Variants in LOXHD1 observed in about 807,000 individuals in gnomAD.
The protein encoded by LOXHD1 is lipoxygenase homology domain-containing protein 1.
In LOXHD1, 205 loss-of-function variants were observed where a neutral mutation model predicts 248.2. The observed-to-expected ratio is 0.83, with a 90% CI of 0.74 to 0.93. The LOEUF (loss-of-function observed/expected upper bound fraction) is 0.93. LOXHD1 is among the 40% of genes least tolerant of loss of function. The pLI is 0.00. For missense variants in LOXHD1, 2,930 were observed against 2,971.6 expected (o/e 0.99, Z 0.33); for synonymous variants, 1,113 against 1,162.8 (o/e 0.96, Z 0.87).
Position 46,488,972 on chromosome 18 carries a change from T to A in LOXHD1, c.6049A>T (p.Thr2017Ser). ...NKICDELEET[T>S]YEIVIETGNG... ...TGAGCCAATGATCTCCCCCACATACTGGTCTCTTCCAGCTCATCACAGATC... is the reference window on the plus strand; with the variant it reads ...TGAGCCAATGATCTCCCCCACATACAGGTCTCTTCCAGCTCATCACAGATC... The change falls in exon 38 of 41, where the codon ACC becomes TCC. Residue 2017 changes from threonine (T) to serine (S), a missense_variant and splice_region_variant. Transcript: ENST00000642948. 1.3e-6 allele frequency: 2 copies of A among 1,550,726 alleles called. No homozygotes were observed. The highest frequency in any genetic ancestry group is 1.7e-6 in the Non-Finnish European group (2 of 1,146,160).
At chr18:46,539,577 T>C (rs755598546) in intron 25 of LOXHD1, among the ~76,000 whole-genome samples, 3 of 152,208 alleles carry the variant, frequency 2.0e-5, no homozygotes, top group Non-Finnish European at 2.9e-5. Flanking sequence ...AAACAATGTA[T>C]TGCTATAGTA....
At chr18:46,495,156 G>T (rs1038787397) in intron 37 of LOXHD1, among the ~76,000 whole-genome samples, 21 of 152,090 alleles carry the variant, frequency 1.4e-4, no homozygotes, top group African/African-American at 4.1e-4. Context: ...GCCCAGCCAT[G>T]AATTTATATT....
intron 5 of LOXHD1, among the ~76,000 whole-genome samples, chr18:46,615,555 C>A (rs563133263): frequency 1.3e-5 from 2 of 151,992 alleles, no homozygotes; most frequent in African/African-American, 2.4e-5. Flanking sequence ...AATTTTATTG[C>A]CTTATGATCA....
At chr18:46,629,334 G>T (rs1315907688) in intron 4 of LOXHD1, among the ~76,000 whole-genome samples, 1 of 152,194 alleles carries the variant, frequency 6.6e-6, no homozygotes, top group Non-Finnish European at 1.5e-5. Context: ...ATTACTCTAC[G>T]ATAATATCCT....
intron 2 of LOXHD1, among the ~76,000 whole-genome samples, chr18:46,646,733 C>T (rs1452403196): frequency 6.6e-6 from 1 of 152,176 alleles, no homozygotes; most frequent in Admixed American, 6.5e-5. Context: ...TCTAAAGGAC[C>T]CTCTTTCTTC....
chr18:46,547,986 T>C lies in LOXHD1; in HGVS notation c.3351-928A>G, dbSNP rs180837237. ...AATAAGCATAATATTGCCTATTTCA[T>C]AGGGTGTTGTGAGGATTACATGTGT... On this transcript the variant is annotated intron_variant, in intron 21 of 40. Coordinates refer to ENST00000642948, the MANE Select transcript of LOXHD1 (RefSeq NM_001384474.1). 2.4e-3 allele frequency among the ~76,000 whole-genome samples: 373 copies of C among 152,332 alleles called. 1 individual carries two copies. The highest frequency in any genetic ancestry group is 1.7e-3 in the Non-Finnish European group (113 of 68,030).
chr18:46,560,048 T>TCCCAACCCCCC, intron 19 of LOXHD1, 35 bp downstream of exon 19: 1 of 1,226,292 alleles, frequency 8.2e-7, no homozygotes, highest in East Asian at 2.8e-5. Flanking sequence ...GTCTGGCCAC[T>TCCCAACCCCCC]CCCTCCCCAC....
chr18:46,593,753 AG>A lies in LOXHD1; in HGVS notation c.1277del (p.Pro426LeufsTer11). ...CGGTTGTCCAGACCCACAGGGACCA[AG>A]GGAATTCTGTAAGACAGATCAAGTT... ...SLRKKRLKKF[P>X]WSLWVWTTDL... is the part of the protein sequence containing the mutation. On this transcript the variant is annotated frameshift_variant, in exon 10 of 41. Coordinates refer to ENST00000642948, the MANE Select transcript of LOXHD1 (RefSeq NM_001384474.1). LOFTEE classifies it high-confidence loss of function. 6.4e-7 allele frequency: 1 copy of A among 1,551,866 alleles called. No individual in the cohort carries two copies. The highest frequency in any genetic ancestry group is 8.7e-7 in the Non-Finnish European group (1 of 1,146,998).
At position 46,622,008 on chromosome 18, in the gene LOXHD1, T is replaced by C. The variant is rs79536580; in HGVS notation, c.512-3718A>G. ...TGCTGTTGACGTTCTCATTTACAGATAAGAAAACTGAAGCTCAGAGGGCAA... is the reference window on the plus strand; with the variant it reads ...TGCTGTTGACGTTCTCATTTACAGACAAGAAAACTGAAGCTCAGAGGGCAA... On this transcript the variant is annotated intron_variant, in intron 4 of 40. Coordinates refer to ENST00000642948, the MANE Select transcript of LOXHD1 (RefSeq NM_001384474.1). 3.2e-3 allele frequency among the ~76,000 whole-genome samples: 484 copies of C among 152,264 alleles called. 18 individuals are homozygous for C. The East Asian group carries it at 0.071, about 22-fold the overall frequency.
At chr18:46,503,779 C>T (rs1451587542) in intron 37 of LOXHD1, among the ~76,000 whole-genome samples, 7 of 152,128 alleles carry the variant, frequency 4.6e-5, no homozygotes, top group Non-Finnish European at 7.3e-5. Context: ...ACAAGACTAA[C>T]CCGGATACAC....
chr18:46,509,838 T>C, intron 34 of LOXHD1, 23 bp from the exon 35 acceptor site: 2 of 1,445,430 alleles, frequency 1.4e-6, no homozygotes, highest in South Asian at 1.3e-5. Flanking sequence ...AGGAGGGGCA[T>C]GAAGAAGGGA....
chr18:46,522,302 G>C lies in LOXHD1; in HGVS notation c.4884C>G (p.Pro1628=). Residue 1628 remains proline (P), a synonymous_variant, in exon 32 of 41, where the codon CCC becomes CCG. Transcript: ENST00000642948. Reference sequence around the variant, plus strand: ...TCCCAGTGGTGACTGACACATAGTAGGGAATAACTGCAAGAGATCACGGGG... The same window carrying C: ...TCCCAGTGGTGACTGACACATAGTACGGAATAACTGCAAGAGATCACGGGG... ...ADYVQEGPII[P]YYVSVTTGKH... 1 of 1,551,736 alleles carries C rather than the reference G, an allele frequency of 6.4e-7. No homozygotes were observed. Among genetic ancestry groups the C allele is most frequent in the Non-Finnish European group, 8.7e-7 (1 of 1,146,940 alleles).
At position 46,545,307 on chromosome 18, in the gene LOXHD1, G is replaced by T. The variant is rs759674947; in HGVS notation, c.3619+10C>A. 1.2e-5 allele frequency: 19 copies of T among 1,543,636 alleles called. No individual in the cohort carries two copies. Among genetic ancestry groups the T allele is most frequent in the Non-Finnish European group, 1.6e-5 (18 of 1,139,614 alleles). ...TGTGGGTGAATCTTGGCCCTGCACT[G>T]CTTTCTTACCAGTGTCATCCTGTGT... On this transcript the variant is annotated intron_variant, in intron 23 of 40. Transcript: ENST00000642948.
At chr18:46,638,965 C>A (rs986898778) in intron 4 of LOXHD1, among the ~76,000 whole-genome samples, 1 of 152,130 alleles carries the variant, frequency 6.6e-6, no homozygotes, top group African/African-American at 2.4e-5. Context: ...GTGATGGTGC[C>A]GGCAATGTAA....
chr18:46,530,557 C>A (rs2036019075), intron 28 of LOXHD1, among the ~76,000 whole-genome samples: 1 of 152,134 alleles, frequency 6.6e-6, no homozygotes, highest in Non-Finnish European at 1.5e-5. Context: ...TACTGTGAGC[C>A]TCAGGATTCC....
At chr18:46,522,637 T>C (rs2035634784) in intron 31 of LOXHD1, among the ~76,000 whole-genome samples, 1 of 152,110 alleles carries the variant, frequency 6.6e-6, no homozygotes, top group Non-Finnish European at 1.5e-5. Context: ...AAAAATAACC[T>C]CTCACCACGT....
At position 46,492,223 on chromosome 18, in the gene LOXHD1, T is replaced by C. The variant is rs533010457; in HGVS notation, c.5879-3081A>G. ...CACAGGTACAGCATGGCTAACTGAG[T>C]GGCCAGCACTAGCTGCATGGTGGAT... is the stretch of plus-strand genomic sequence containing the variant. On this transcript the variant is annotated intron_variant, in intron 37 of 40. Transcript: ENST00000642948. Among the ~76,000 whole-genome samples the C allele has an allele frequency of 7.2e-5, 11 of 152,288 alleles. No homozygotes were observed. In the East Asian group the frequency reaches 2.1e-3, roughly 29 times the overall value.
intron 2 of LOXHD1, among the ~76,000 whole-genome samples, chr18:46,645,326 T>C (rs1599073336): frequency 6.6e-6 from 1 of 152,248 alleles, no homozygotes; most frequent in East Asian, 1.9e-4. Context: ...GCTAAGGCAG[T>C]GCACAGCCCC....
chr18:46,557,586 G>T, intron 20 of LOXHD1, 97 bp from the exon 21 acceptor site: 1 of 1,446,644 alleles, frequency 6.9e-7, no homozygotes, highest in South Asian at 1.3e-5. Flanking sequence ...GCCAGCCAGA[G>T]GCCAATGGTG....
Sources: allele counts gnomAD v4.1 joint callset (sites outside exome capture counted in the v4.1 genomes callset), GRCh38; gene constraint gnomAD v4.1.1; transcripts MANE v1.5; gene names NCBI Gene and HGNC (gene_info 2026-07-23, HGNC 2026-07-21).